DNMT3A: variants seen among roughly 807,000 people sequenced by gnomAD.
DNMT3A encodes the protein DNA (cytosine-5)-methyltransferase 3A.
A neutral mutation model predicts 117.6 loss-of-function variants in DNMT3A; 267 were observed. The observed-to-expected ratio is 2.27, with a 90% confidence interval of 2.05 to 2.51. DNMT3A has a LOEUF of 2.51. Ranked by LOEUF, DNMT3A falls within the 30% of genes most tolerant of loss-of-function variation. The pLI is 0.00. For synonymous variants in DNMT3A, 432 were observed against 474.8 expected, an observed-to-expected ratio of 0.91 and a Z score of 1.17; for missense variants, 1,029 against 1,260.2, an observed-to-expected ratio of 0.82 and a Z score of 2.78.
At chr2:25,328,688 G>A (rs776429721) in intron 1 of DNMT3A, 2 of 521,644 alleles carry the variant, frequency 3.8e-6, no homozygotes, top group South Asian at 2.9e-5. Context: ...CCCCAGCACA[G>A]TGCTGCGGTG....
chr2:25,310,051 G>A (rs1382432774), intron 2 of DNMT3A, among the ~76,000 whole-genome samples: 2 of 152,106 alleles, frequency 1.3e-5, no homozygotes, highest in African/African-American at 2.4e-5. Flanking sequence ...GCAAGACTCC[G>A]TCTCAAACAA....
rs1391824144 is a variant in DNMT3A, at chr2:25,282,278, C to T, written c.448+163G>A. The T allele has an allele frequency of 4.9e-6, 7 of 1,431,698 alleles. No homozygotes were observed. The highest frequency in any genetic ancestry group is 6.4e-6 in the Non-Finnish European group (7 of 1,093,266). 88.7% of individuals were successfully genotyped at this position (1,431,698 alleles called of 1,614,324 possible). A position where few individuals can be genotyped will look rare whatever the true frequency, so the allele number is the denominator to read the frequency against. ...CTATGGGCCAAATAAAACATATGCG[C>T]AGGCTGCATCCAGCCAGTAGCCTCC... On this transcript the variant is annotated intron_variant, in intron 4 of 22. Transcript: ENST00000321117. This position sits in a 1 kb window ranked among gnomAD's most constrained non-coding sequence, Gnocchi z 5.2.
At chr2:25,299,592 C>T (rs555176294) in intron 3 of DNMT3A, among the ~76,000 whole-genome samples, 18 of 152,320 alleles carry the variant, frequency 1.2e-4, no homozygotes, top group Middle Eastern at 3.4e-3. Flanking sequence ...GACCAACCAG[C>T]CAAGTCCCCT....
rs886141032 is a variant in DNMT3A at position 25,281,400 on chromosome 2, G to A, written c.448+1041C>T. ...TTCCCTCTGTAGTGTTCTGCACATA[G>A]TGGGAGCATCATACATATTTGTCGA... On this transcript the variant is annotated intron_variant, in intron 4 of 22. Coordinates refer to ENST00000321117, the MANE Select transcript of DNMT3A (RefSeq NM_022552.5). This position sits in a 1 kb window ranked among gnomAD's most constrained non-coding sequence, Gnocchi z 4.8. The A allele has an allele frequency of 8.9e-6, 9 of 1,006,866 alleles. No homozygotes were observed. The highest frequency in any genetic ancestry group is 1.1e-5 in the Non-Finnish European group (9 of 837,650). The allele number at this position is 1,006,866 out of a possible 1,614,324, so 62.4% of individuals were successfully genotyped here. A position where few individuals can be genotyped will look rare whatever the true frequency, so the allele number is the denominator to read the frequency against.
In DNMT3A at chr2:25,339,124, G is replaced by A. The variant is rs1027180114; in HGVS notation, c.-178+2702C>T. ...TCTCTCTCATATCTCCTTCTCCTTG[G>A]AAGCCTTCCCCTATTACTGCCATGT... On this transcript the variant is annotated intron_variant, in intron 1 of 22. Coordinates refer to ENST00000321117, the MANE Select transcript of DNMT3A (RefSeq NM_022552.5). This position sits in a 1 kb window ranked among gnomAD's most constrained non-coding sequence, Gnocchi z 4.9. Among the ~76,000 whole-genome samples, 6 of 151,824 alleles carry A rather than the reference G, an allele frequency of 4.0e-5. No homozygotes were observed. The highest frequency in any genetic ancestry group is 1.2e-4 in the African/African-American group (5 of 41,290).
intron 4 of DNMT3A, among the ~76,000 whole-genome samples, chr2:25,279,779 C>T (rs1292412842): frequency 6.6e-6 from 1 of 152,066 alleles, no homozygotes; most frequent in Admixed American, 6.6e-5. Context: ...CTCCACCTCC[C>T]GGGTTTAAGT....
intron 6 of DNMT3A, chr2:25,251,979 C>G (rs1221008773): frequency 1.8e-6 from 1 of 561,982 alleles, no homozygotes. Flanking sequence ...CTGGAGCCCT[C>G]GAGGAGTGGG....
chr2:25,300,696 T>G (rs58170427), intron 2 of DNMT3A, among the ~76,000 whole-genome samples: 8 of 82,090 alleles, frequency 9.7e-5, no homozygotes, highest in East Asian at 4.3e-4. Flanking sequence ...TATATATTTA[T>G]ATATCTAAAT....
chr2:25,240,671 G>A lies in DNMT3A; in HGVS notation c.2142C>T (p.Ser714=), dbSNP rs750416019. The change falls in exon 18 of 23, where the codon TCC becomes TCT. Residue 714 remains serine (S), a synonymous_variant. Transcript: ENST00000321117. The part of the protein sequence containing the change: ...VIGGSPCNDL[S]IVNPARKGLY... ...GGCCCTTGCGAGCAGGGTTGACGAT[G>A]GAGAGGTCATTGCAGGGACTGCCCC... The A allele has an allele frequency of 6.2e-7, 1 of 1,614,268 alleles. No homozygotes were observed. Among genetic ancestry groups the A allele is most frequent in the Admixed American group, 1.7e-5 (1 of 60,034 alleles).
chr2:25,257,223 A>C lies in DNMT3A; in HGVS notation c.640-8971T>G, dbSNP rs1040615396. Among the ~76,000 whole-genome samples, 1 of 152,204 alleles carries C rather than the reference A, an allele frequency of 6.6e-6. No homozygotes were observed. The highest frequency in any genetic ancestry group is 1.5e-5 in the Non-Finnish European group (1 of 68,036). ...TGCTAAGGAGACCAGTCGCAGAGAG[A>C]GCAACTAAGCAGGGGGAAGGTGTCA... is the stretch of plus-strand genomic sequence containing the variant. On this transcript the variant is annotated intron_variant, in intron 6 of 22. Coordinates refer to ENST00000321117, the MANE Select transcript of DNMT3A (RefSeq NM_022552.5). This position sits in a 1 kb window ranked among gnomAD's most constrained non-coding sequence, Gnocchi z 4.8.
intron 16 of DNMT3A, 115 bp downstream of exon 16, chr2:25,243,783 A>C (rs976898561): frequency 8.7e-7 from 1 of 1,147,350 alleles, no homozygotes; most frequent in East Asian, 2.6e-5. Flanking sequence ...CTTTGGGATA[A>C]TATTTTAACA....
intron 1 of DNMT3A, among the ~76,000 whole-genome samples, chr2:25,317,183 T>C (rs1445461414): frequency 6.6e-6 from 1 of 150,892 alleles, no homozygotes. Context: ...CACCTCATCC[T>C]CCTGAGTAGG....
At chr2:25,299,517 G>A (rs879755248) in intron 3 of DNMT3A, among the ~76,000 whole-genome samples, 1 of 152,198 alleles carries the variant, frequency 6.6e-6, no homozygotes, top group Non-Finnish European at 1.5e-5. Context: ...ATTCTGGCAG[G>A]CCCTCTTGCT....
chr2:25,330,323 G>A (rs745386671), intron 1 of DNMT3A, among the ~76,000 whole-genome samples: 4 of 152,198 alleles, frequency 2.6e-5, no homozygotes, highest in African/African-American at 7.2e-5. Flanking sequence ...CCAGAGAAAC[G>A]TGGATTTCCA....
chr2:25,301,878 C>T lies in DNMT3A; in HGVS notation c.73-1635G>A, dbSNP rs147490024. Among the ~76,000 whole-genome samples, 429 of 152,208 alleles carry T rather than the reference C, an allele frequency of 2.8e-3. 2 individuals are homozygous for T. The highest frequency in any genetic ancestry group is 1.0e-2 in the African/African-American group (414 of 41,514). On this transcript the variant is annotated intron_variant, in intron 2 of 22. Transcript: ENST00000321117. ...CTCCTGGAGACCTGAGTAAGATGGC[C>T]CTCAACAACCTACTCAACTTTCATT...
At chr2:25,318,340 G>T (rs1410383608) in intron 1 of DNMT3A, among the ~76,000 whole-genome samples, 2 of 152,102 alleles carry the variant, frequency 1.3e-5, no homozygotes, top group African/African-American at 4.8e-5. Context: ...AGGCTGGAGT[G>T]AAGTGGCATG....
In DNMT3A at chr2:25,282,082, C is replaced by T. The variant is rs907646431; in HGVS notation, c.448+359G>A. 55 of 1,142,834 alleles carry T rather than the reference C, an allele frequency of 4.8e-5. No homozygotes were observed. In the African/African-American group the frequency reaches 5.3e-4, roughly 11 times the overall value. The allele number at this position is 1,142,834 out of a possible 1,614,324, so 70.8% of individuals were successfully genotyped here. On this transcript the variant is annotated intron_variant, in intron 4 of 22. Coordinates refer to ENST00000321117, the MANE Select transcript of DNMT3A (RefSeq NM_022552.5). The surrounding 1 kb of genome is among the most constrained non-coding windows in gnomAD (Gnocchi z 5.2). ...AAGGCCCACAACCAGCCACAGAAGG[C>T]GATGGAGGGACCGCCATTATCCCAG...
intron 2 of DNMT3A, among the ~76,000 whole-genome samples, chr2:25,300,958 C>T (rs896720223): frequency 8.0e-5 from 12 of 150,714 alleles, no homozygotes; most frequent in African/African-American, 2.2e-4. Context: ...TTGTGATCTA[C>T]TTAATGAATC....
rs760540599 is a variant in DNMT3A at position 25,239,125 on chromosome 2, C to G, written c.2408+5G>C. ...AGCCCCCCAGGCCCAGGAGCTTTCACCAACCTGTTCATACCGGGAAGGTTA... is the reference window on the plus strand; with the variant it reads ...AGCCCCCCAGGCCCAGGAGCTTTCAGCAACCTGTTCATACCGGGAAGGTTA... On this transcript the variant is annotated splice_donor_5th_base_variant and intron_variant, in intron 20 of 22. Transcript: ENST00000321117. 1.9e-6 allele frequency: 3 copies of G among 1,613,676 alleles called. No individual in the cohort carries two copies. The highest frequency in any genetic ancestry group is 1.7e-6 in the Non-Finnish European group (2 of 1,179,772).
Sources: allele counts gnomAD v4.1 joint callset (sites outside exome capture counted in the v4.1 genomes callset), GRCh38; gene constraint gnomAD v4.1.1; non-coding constraint Gnocchi (gnomAD v3.1); transcripts MANE v1.5; gene names NCBI Gene and HGNC (gene_info 2026-07-23, HGNC 2026-07-21).